Variants in PCDHGB4 observed in about 807,000 individuals in gnomAD.
PCDHGB4 encodes protocadherin gamma-B4.
A neutral mutation model predicts 60.5 loss-of-function variants in PCDHGB4; 38 were observed. The ratio of observed to expected loss-of-function variants is 0.63; its 90% CI spans 0.48 to 0.82. The LOEUF is 0.82. PCDHGB4 is among the 40% of genes least tolerant of loss of function. PCDHGB4 has a pLI of 0.00. For synonymous variants in PCDHGB4, 456 were observed against 509.7 expected, an observed-to-expected ratio of 0.89 and a Z score of 1.42; for missense variants, 1,109 against 1,209.6, an observed-to-expected ratio of 0.92 and a Z score of 1.23.
Position 141,476,267 on chromosome 5 carries a change from G to A in PCDHGB4, c.2398-18540G>A, listed in dbSNP as rs373758158. The A allele has an allele frequency of 6.8e-6, 11 of 1,613,938 alleles. No homozygotes were observed. Among genetic ancestry groups the A allele is most frequent in the African/African-American group, 1.3e-5 (1 of 74,884 alleles). On this transcript the variant is annotated intron_variant, in intron 1 of 3. Transcript: ENST00000519479. The surrounding 1 kb of genome is among the most constrained non-coding windows in gnomAD (Gnocchi z 7.6). ...GAAGGGTTTCGCTGTGGGCAACGTG[G>A]TCGCGAACCTTGGTTTGGATCTCGG...
chr5:141,414,159 A>G (rs2095715416), intron 1 of PCDHGB4: 1 of 1,602,874 alleles, frequency 6.2e-7, no homozygotes. Context: ...CAGAAGATGG[A>G]GGAGCATATC....
chr5:141,457,868 G>T lies in PCDHGB4; in HGVS notation c.2398-36939G>T, dbSNP rs1479066479. ...AAAGTGACATTCTTCACTGACCACA[G>T]GTTAGGAACCCTGTGTGGGGACTGT... On this transcript the variant is annotated intron_variant, in intron 1 of 3. Transcript: ENST00000519479. Among the ~76,000 whole-genome samples the T allele has an allele frequency of 2.0e-5, 3 of 152,346 alleles. No individual in the cohort carries two copies. In the East Asian group the frequency reaches 5.8e-4, roughly 29 times the overall value.
chr5:141,397,047 G>A (rs180929307), intron 1 of PCDHGB4, among the ~76,000 whole-genome samples: 130 of 152,158 alleles, frequency 8.5e-4, no homozygotes, highest in African/African-American at 2.9e-3. Context: ...TTATGTAAAT[G>A]AACTTATGAG....
chr5:141,491,602 A>T lies in PCDHGB4; in HGVS notation c.2398-3205A>T. On this transcript the variant is annotated intron_variant, in intron 1 of 3. Transcript: ENST00000519479. The surrounding 1 kb of genome is among the most constrained non-coding windows in gnomAD (Gnocchi z 6.9). ...ACCGGCCTCGGACGGCAGTGACTTC[A>T]CTTTTCTAAGACCCCTCAGCGTTCA... is the stretch of plus-strand genomic sequence containing the variant. The T allele has an allele frequency of 6.2e-7, 1 of 1,613,838 alleles. No individual in the cohort carries two copies. Among genetic ancestry groups the T allele is most frequent in the Non-Finnish European group, 8.5e-7 (1 of 1,180,016 alleles).
intron 1 of PCDHGB4, chr5:141,409,549 C>T: frequency 6.2e-7 from 1 of 1,614,004 alleles, no homozygotes; most frequent in Non-Finnish European, 8.5e-7. Context: ...ACGACAACGC[C>T]CCAGTTTTCG....
At chr5:141,419,528 G>A (rs966922299) in intron 1 of PCDHGB4, 10 of 1,612,056 alleles carry the variant, frequency 6.2e-6, no homozygotes, top group Admixed American at 1.7e-5. Flanking sequence ...CGACCGTAAC[G>A]ACAACGCACC....
intron 1 of PCDHGB4, among the ~76,000 whole-genome samples, chr5:141,467,854 T>C (rs1337373000): frequency 6.6e-6 from 1 of 151,968 alleles, no homozygotes; most frequent in Admixed American, 6.6e-5. Flanking sequence ...GAATGAGATT[T>C]CACCATGTTG....
Position 141,493,359 on chromosome 5 carries a change from G to A in PCDHGB4, c.2398-1448G>A, listed in dbSNP as rs956980110. Among the ~76,000 whole-genome samples the A allele has an allele frequency of 2.6e-5, 4 of 152,148 alleles. No homozygotes were observed. The highest frequency in any genetic ancestry group is 9.7e-5 in the African/African-American group (4 of 41,418). ...CCAGAATGTGTGCTTTTAATTTCTT[G>A]GCACTTGGAACTTTAAAAGCTTGAG... On this transcript the variant is annotated intron_variant, in intron 1 of 3. Transcript: ENST00000519479. This position sits in a 1 kb window ranked among gnomAD's most constrained non-coding sequence, Gnocchi z 4.3.
chr5:141,423,758 G>GGT (rs138224377), intron 1 of PCDHGB4: 10 of 366,772 alleles, frequency 2.7e-5, no homozygotes, highest in Non-Finnish European at 1.5e-5. Flanking sequence ...TTTGGGGGGG[G>GGT]GGTGGGGCGG....
At chr5:141,406,908 A>G (rs1256233458) in intron 1 of PCDHGB4, among the ~76,000 whole-genome samples, 2 of 152,204 alleles carry the variant, frequency 1.3e-5, no homozygotes, top group Non-Finnish European at 2.9e-5. Flanking sequence ...GTTTTTAGCT[A>G]TAAGGAAGAG....
intron 1 of PCDHGB4, chr5:141,412,854 A>G (rs1356959630): frequency 4.5e-6 from 1 of 223,412 alleles, no homozygotes; most frequent in South Asian, 1.8e-4. Context: ...GAGAAACCAA[A>G]GAATCTATGT....
intron 1 of PCDHGB4, among the ~76,000 whole-genome samples, chr5:141,458,368 A>C (rs934670055): frequency 3.9e-5 from 6 of 152,112 alleles, no homozygotes; most frequent in Admixed American, 3.9e-4. Flanking sequence ...GAAGGAAGGG[A>C]GAAGAGAGAA....
In PCDHGB4 at chr5:141,489,597, A is replaced by G; in HGVS notation, c.2398-5210A>G. 6.2e-7 allele frequency: 1 copy of G among 1,614,100 alleles called. No individual in the cohort carries two copies. The highest frequency in any genetic ancestry group is 1.3e-5 in the African/African-American group (1 of 75,040). ...AACACCCCCTGGAGCTAATCCGTGTAGAGGTAGAGATCCTGGATCTCAATG... is the reference window on the plus strand; with the variant it reads ...AACACCCCCTGGAGCTAATCCGTGTGGAGGTAGAGATCCTGGATCTCAATG... On this transcript the variant is annotated intron_variant, in intron 1 of 3. Transcript: ENST00000519479. The surrounding 1 kb of genome is among the most constrained non-coding windows in gnomAD (Gnocchi z 4.5).
rs764482722 is a variant in PCDHGB4 at position 141,432,066 on chromosome 5, C to T, written c.2397+41785C>T. 62 of 1,614,062 alleles carry T rather than the reference C, an allele frequency of 3.8e-5. No individual in the cohort carries two copies. The highest frequency in any genetic ancestry group is 5.2e-5 in the Non-Finnish European group (61 of 1,180,046). On this transcript the variant is annotated intron_variant, in intron 1 of 3. Coordinates refer to ENST00000519479, the MANE Select transcript of PCDHGB4 (RefSeq NM_003736.4). The surrounding 1 kb of genome is among the most constrained non-coding windows in gnomAD (Gnocchi z 6.0). ...GGAACCCCGCCCCTATCCACGGAAA[C>T]TCATATCTCGCTGAACGTGGCAGAC...
intron 1 of PCDHGB4, among the ~76,000 whole-genome samples, chr5:141,456,907 G>A (rs1430292511): frequency 6.6e-6 from 1 of 152,108 alleles, no homozygotes; most frequent in Non-Finnish European, 1.5e-5. Flanking sequence ...AGGTTGCAGT[G>A]AGCCGAGATC....
chr5:141,410,419 TC>T (rs769125626), intron 1 of PCDHGB4: 1 of 1,613,886 alleles, frequency 6.2e-7, no homozygotes, highest in South Asian at 1.1e-5. Flanking sequence ...GACCTGTAGT[TC>T]CCCCCAACTA....
Position 141,477,797 on chromosome 5 carries a change from A to G in PCDHGB4, c.2398-17010A>G. ...CGTGAACATATTTGTCACTGATCGC[A>G]ATGACAATGCCCCCCAGGTCCTATA... On this transcript the variant is annotated intron_variant, in intron 1 of 3. Coordinates refer to ENST00000519479, the MANE Select transcript of PCDHGB4 (RefSeq NM_003736.4). This position sits in a 1 kb window ranked among gnomAD's most constrained non-coding sequence, Gnocchi z 4.9. 1.2e-6 allele frequency: 2 copies of G among 1,614,082 alleles called. No individual in the cohort carries two copies. Among genetic ancestry groups the G allele is most frequent in the Non-Finnish European group, 1.7e-6 (2 of 1,180,032 alleles).
chr5:141,481,181 G>C (rs1364223040), intron 1 of PCDHGB4, among the ~76,000 whole-genome samples: 1 of 152,154 alleles, frequency 6.6e-6, no homozygotes, highest in Non-Finnish European at 1.5e-5. Context: ...CAGCTTTATT[G>C]GGCCAGGCCC....
intron 1 of PCDHGB4, chr5:141,417,819 C>T: frequency 3.3e-6 from 5 of 1,513,202 alleles, no homozygotes; most frequent in Non-Finnish European, 3.5e-6. Flanking sequence ...GCACTTTCTC[C>T]AACTGGAAAA....
Sources: allele counts gnomAD v4.1 joint callset (sites outside exome capture counted in the v4.1 genomes callset), GRCh38; gene constraint gnomAD v4.1.1; non-coding constraint Gnocchi (gnomAD v3.1); transcripts MANE v1.5; gene names NCBI Gene and HGNC (gene_info 2026-07-23, HGNC 2026-07-21).